Variants in NWD2 observed in about 807,000 individuals in gnomAD.
The protein encoded by NWD2 is NACHT and WD repeat domain containing 2, also known as NACHT and WD repeat domain-containing protein 2.
NWD2 carries 37 observed loss-of-function variants against 132.7 expected under a neutral mutation model. That is an observed-to-expected ratio of 0.28 (90% CI 0.21 to 0.37). The LOEUF is 0.37. Among genes scored for constraint, NWD2 ranks in the 10% least tolerant of loss-of-function variants. NWD2 has a pLI of 1.00. For synonymous variants in NWD2, 705 were observed against 803.0 expected, an observed-to-expected ratio of 0.88 and a Z score of 2.06; for missense variants, 1,592 against 2,122.4, an observed-to-expected ratio of 0.75 and a Z score of 4.91.
At chr4:37,373,837 G>T (rs778011695) in intron 3 of NWD2, among the ~76,000 whole-genome samples, 3 of 152,148 alleles carry the variant, frequency 2.0e-5, no homozygotes, top group Non-Finnish European at 2.9e-5. Flanking sequence ...TTTAGAAAAT[G>T]TTTTACAGAT....
Position 37,443,360 on chromosome 4 carries a change from G to A in NWD2, c.1372G>A (p.Asp458Asn), listed in dbSNP as rs1188384794. The change falls in exon 7 of 7, where the codon GAC becomes AAC. Residue 458 changes from aspartate to asparagine, a missense_variant. Physicochemically the swap from Asp to Asn is conservative, Grantham distance 23 (BLOSUM62 1). This residue lies in a region of NWD2 where 1,071 missense variants were observed against 1,398.0 expected (regional missense o/e 0.77). Coordinates refer to ENST00000309447, the MANE Select transcript of NWD2 (RefSeq NM_001144990.2). The surrounding 1 kb of genome is among the most constrained non-coding windows in gnomAD (Gnocchi z 4.1). ...VVIVRFLGTT[D>N]MSSDLRTLLL... Reference sequence around the variant, plus strand: ...CATCGTGAGATTTCTAGGAACGACAGACATGAGCTCTGACCTTAGGACTCT... The same window carrying A: ...CATCGTGAGATTTCTAGGAACGACAAACATGAGCTCTGACCTTAGGACTCT... 6 of 1,551,878 alleles carry A rather than the reference G, an allele frequency of 3.9e-6. No individual in the cohort carries two copies. In the East Asian group the frequency reaches 1.2e-4, roughly 32 times the overall value.
intron 1 of NWD2, among the ~76,000 whole-genome samples, chr4:37,290,560 T>C (rs1285018489): frequency 1.3e-5 from 2 of 152,202 alleles, no homozygotes; most frequent in Non-Finnish European, 2.9e-5. Context: ...AGAAACTGCC[T>C]TTAAGCAAAT....
chr4:37,405,426 G>GAATAGAATAC (rs1184581309), intron 3 of NWD2, among the ~76,000 whole-genome samples: 86 of 5,754 alleles, frequency 0.015, no homozygotes, highest in African/African-American at 0.04. Context: ...GAATGTAATA[G>GAATAGAATAC]AATAGAATAG....
intron 3 of NWD2, among the ~76,000 whole-genome samples, chr4:37,362,458 G>A (rs1478148803): frequency 6.6e-6 from 1 of 152,120 alleles, no homozygotes; most frequent in Non-Finnish European, 1.5e-5. Flanking sequence ...CATGGTGCTG[G>A]TACAAAAACG....
chr4:37,310,865 T>C (rs1479926770), intron 1 of NWD2, among the ~76,000 whole-genome samples: 1 of 144,964 alleles, frequency 6.9e-6, no homozygotes, highest in South Asian at 2.2e-4. Context: ...TTCCCACCTA[T>C]GAGTGAGAAC....
chr4:37,386,831 T>G (rs1208714972), intron 3 of NWD2, among the ~76,000 whole-genome samples: 1 of 149,548 alleles, frequency 6.7e-6, no homozygotes, highest in Non-Finnish European at 1.5e-5. Context: ...CAAGATCTGG[T>G]TGTGAAAGAG....
At chr4:37,318,016 CTTTCT>C (rs1577666226) in intron 1 of NWD2, among the ~76,000 whole-genome samples, 628 of 131,844 alleles carry the variant, frequency 4.8e-3, no homozygotes, top group African/African-American at 0.017. Flanking sequence ...TTTCTTTTTT[CTTTCT>C]TTTTTTTTTT....
At chr4:37,255,470 A>G (rs1051669509) in intron 1 of NWD2, among the ~76,000 whole-genome samples, 3 of 152,228 alleles carry the variant, frequency 2.0e-5, no homozygotes, top group Non-Finnish European at 2.9e-5. Flanking sequence ...GGAGCCTGAT[A>G]GAATCTGAAG....
intron 3 of NWD2, among the ~76,000 whole-genome samples, chr4:37,417,724 T>G (rs1398972999): frequency 6.6e-6 from 1 of 152,174 alleles, no homozygotes; most frequent in Admixed American, 6.5e-5. Context: ...TATCCTGGAA[T>G]TGAACAATTA....
chr4:37,287,400 G>A (rs1718257635), intron 1 of NWD2, among the ~76,000 whole-genome samples: 1 of 152,198 alleles, frequency 6.6e-6, no homozygotes, highest in Non-Finnish European at 1.5e-5. Flanking sequence ...AAGCAACCTG[G>A]GTTGGGGAAG....
chr4:37,253,507 T>C (rs1717440099), intron 1 of NWD2, among the ~76,000 whole-genome samples: 1 of 152,152 alleles, frequency 6.6e-6, no homozygotes, highest in Non-Finnish European at 1.5e-5. Context: ...GTCTGGTTTC[T>C]TCTTCCTTTG....
intron 1 of NWD2, among the ~76,000 whole-genome samples, chr4:37,252,962 A>C (rs1618748): frequency 6.6e-6 from 1 of 151,782 alleles, no homozygotes; most frequent in Non-Finnish European, 1.5e-5. Context: ...ATACAGGGAA[A>C]GGAGGAATTA....
intron 3 of NWD2, among the ~76,000 whole-genome samples, chr4:37,417,099 C>G (rs1264418278): frequency 6.6e-6 from 1 of 151,972 alleles, no homozygotes; most frequent in African/African-American, 2.4e-5. Flanking sequence ...TCCCCAAAAA[C>G]CTATCGAATT....
At chr4:37,356,626 G>A in intron 3 of NWD2, 144 bp downstream of exon 3, 1 of 595,410 alleles carries the variant, frequency 1.7e-6, no homozygotes, top group Non-Finnish European at 3.0e-6. Context: ...CTGTCTCCTG[G>A]CTCTCAATGT....
At chr4:37,372,710 T>A (rs917184415) in intron 3 of NWD2, among the ~76,000 whole-genome samples, 2 of 152,226 alleles carry the variant, frequency 1.3e-5, no homozygotes, top group African/African-American at 4.8e-5. Context: ...TGTTTGTCAT[T>A]CTTTCCCTTT....
intron 1 of NWD2, among the ~76,000 whole-genome samples, chr4:37,264,982 C>T (rs551344597): frequency 4.6e-5 from 7 of 152,012 alleles, no homozygotes; most frequent in Non-Finnish European, 8.8e-5. Flanking sequence ...AGCCAGGAAA[C>T]TAATCTCCCA....
chr4:37,305,052 C>T (rs181451739), intron 1 of NWD2, among the ~76,000 whole-genome samples: 68 of 152,334 alleles, frequency 4.5e-4, no homozygotes, highest in African/African-American at 1.5e-3. Context: ...TCTCAAACCC[C>T]AGTTCTTGAC....
intron 3 of NWD2, among the ~76,000 whole-genome samples, chr4:37,380,071 A>G (rs1032672017): frequency 5.9e-5 from 9 of 152,266 alleles, no homozygotes; most frequent in Non-Finnish European, 1.0e-4. Context: ...GATTGCTTCT[A>G]GTGAGTCAAG....
In NWD2 at chr4:37,444,019, G is replaced by T; in HGVS notation, c.2031G>T (p.Leu677=). The change falls in exon 7 of 7, where the codon CTG becomes CTT. Residue 677 remains leucine (L), a synonymous_variant. Coordinates refer to ENST00000309447, the MANE Select transcript of NWD2 (RefSeq NM_001144990.2). The surrounding 1 kb of genome is among the most constrained non-coding windows in gnomAD (Gnocchi z 4.8). ...MAKMGLSEME[L]EDVLALDNSV... ...AAATGGGTCTGAGTGAAATGGAACT[G>T]GAGGATGTGTTAGCCCTAGACAACA... 6.4e-7 allele frequency: 1 copy of T among 1,552,170 alleles called. No homozygotes were observed. The highest frequency in any genetic ancestry group is 8.7e-7 in the Non-Finnish European group (1 of 1,147,114).
Sources: allele counts gnomAD v4.1 joint callset (sites outside exome capture counted in the v4.1 genomes callset), GRCh38; gene constraint gnomAD v4.1.1; regional missense constraint gnomAD v4.1.1; non-coding constraint Gnocchi (gnomAD v3.1); transcripts MANE v1.5; gene names NCBI Gene and HGNC (gene_info 2026-07-23, HGNC 2026-07-21).